Variants in STX8 observed in about 807,000 individuals in gnomAD.
The protein encoded by STX8 is syntaxin-8.
In STX8, 23 loss-of-function variants were observed where a neutral mutation model predicts 37.5. The ratio of observed to expected loss-of-function variants is 0.61; its 90% CI spans 0.44 to 0.87. The LOEUF (loss-of-function observed/expected upper bound fraction) is 0.87. Among genes scored for constraint, STX8 ranks in the 40% least tolerant of loss-of-function variants. STX8 has a pLI of 0.00. For synonymous variants in STX8, 115 were observed against 99.1 expected (o/e 1.16, Z -0.95); for missense variants, 313 against 284.7 (o/e 1.10, Z -0.71).
intron 4 of STX8, among the ~76,000 whole-genome samples, chr17:9,515,712 TG>T (rs1639934846): frequency 6.6e-6 from 1 of 152,072 alleles, no homozygotes; most frequent in South Asian, 2.1e-4. Context: ...TTTGTAGAGA[TG>T]GGGTCTCGCT....
intron 4 of STX8, among the ~76,000 whole-genome samples, chr17:9,530,654 A>G (rs569671977): frequency 1.3e-5 from 2 of 152,322 alleles, no homozygotes; most frequent in Admixed American, 1.3e-4. Context: ...ATGTTTTTCT[A>G]ACAGGTTGCT....
intron 6 of STX8, among the ~76,000 whole-genome samples, chr17:9,429,368 T>G (rs1180113191): frequency 6.9e-6 from 1 of 145,458 alleles, no homozygotes; most frequent in Non-Finnish European, 1.5e-5. Flanking sequence ...ATAATAAATA[T>G]TTATATATAA....
chr17:9,328,691 G>T (rs1909858666), intron 7 of STX8, among the ~76,000 whole-genome samples: 1 of 152,142 alleles, frequency 6.6e-6, no homozygotes, highest in Admixed American at 6.6e-5. Context: ...CAAGGCTAAA[G>T]TTCAGGGAAA....
intron 7 of STX8, among the ~76,000 whole-genome samples, chr17:9,269,052 T>G (rs1037030482): frequency 2.0e-5 from 3 of 152,018 alleles, no homozygotes; most frequent in African/African-American, 7.2e-5. Flanking sequence ...CTGGGCATGG[T>G]GGCGGGCGCC....
At position 9,352,490 on chromosome 17, in the gene STX8, C is replaced by T. The variant is rs990014770; in HGVS notation, c.643+26062G>A. Among the ~76,000 whole-genome samples, 46 of 105,652 alleles carry T rather than the reference C, an allele frequency of 4.4e-4. 1 individual carries two copies. Among genetic ancestry groups the T allele is most frequent in the Admixed American group, 3.1e-3 (26 of 8,436 alleles). 69.3% of individuals were successfully genotyped at this position (105,652 alleles called of 152,430 possible). The stretch of plus-strand genomic sequence containing the variant: ...ACTTTTTTTTTTTTTTTTTTTGAGA[C>T]GGAGTCTTGCTCTGTGGCCCAGGCG... On this transcript the variant is annotated intron_variant, in intron 7 of 7. Transcript: ENST00000306357.
In STX8 at chr17:9,324,107, CTG is replaced by C. The variant is rs1226523954; in HGVS notation, c.643+54443_643+54444del. 6.8e-3 allele frequency among the ~76,000 whole-genome samples: 954 copies of C among 140,426 alleles called. 13 individuals are homozygous for C. The highest frequency in any genetic ancestry group is 0.026 in the African/African-American group (921 of 35,534). The allele number at this position is 140,426 out of a possible 152,430, so 92.1% of individuals were successfully genotyped here. Reference sequence around the variant, plus strand: ...CATCCCTCTCTCTCTCTCTCTCTCTCTGTCTCTCTCTCTCTCTCTCACACACA... The same window carrying C: ...CATCCCTCTCTCTCTCTCTCTCTCTCTCTCTCTCTCTCTCTCTCACACACA... On this transcript the variant is annotated intron_variant, in intron 7 of 7. Coordinates refer to ENST00000306357, the MANE Select transcript of STX8 (RefSeq NM_004853.3).
intron 4 of STX8, among the ~76,000 whole-genome samples, chr17:9,505,382 T>C (rs1904785387): frequency 1.3e-5 from 2 of 152,170 alleles, no homozygotes; most frequent in Admixed American, 1.3e-4. Context: ...CAGCCTGTTA[T>C]AGAGATGATG....
intron 2 of STX8, 144 bp downstream of exon 2, chr17:9,568,227 T>C (rs1375806681): frequency 3.4e-6 from 2 of 581,780 alleles, no homozygotes; most frequent in Non-Finnish European, 6.0e-6. Context: ...TACTAACTGG[T>C]TGGGTGTTAT....
chr17:9,503,533 C>T lies in STX8; in HGVS notation c.448+1505G>A, dbSNP rs77458781. On this transcript the variant is annotated intron_variant, in intron 5 of 7. Transcript: ENST00000306357. ...TTTCTCCTCCTCCTCCTCCCTCTTC[C>T]TTTTTATTCATTAATTTTTTTAAAG... is the stretch of plus-strand genomic sequence containing the variant. 4.9e-3 allele frequency among the ~76,000 whole-genome samples: 739 copies of T among 152,174 alleles called. 3 individuals carry two copies. The highest frequency in any genetic ancestry group is 0.017 in the African/African-American group (693 of 41,516).
At position 9,458,979 on chromosome 17, in the gene STX8, A is replaced by G. The variant is rs1005101476; in HGVS notation, c.541+32850T>C. ...TGAGTAGCTGGGACTACAGGCGCCC[A>G]CCACCACGCCCGGCTAATGCTTTTT... On this transcript the variant is annotated intron_variant, in intron 6 of 7. Coordinates refer to ENST00000306357, the MANE Select transcript of STX8 (RefSeq NM_004853.3). Among the ~76,000 whole-genome samples, 4 of 151,804 alleles carry G rather than the reference A, an allele frequency of 2.6e-5. No homozygotes were observed. In the East Asian group the frequency reaches 5.8e-4, roughly 22 times the overall value.
chr17:9,401,770 T>A (rs1000222602), intron 6 of STX8, among the ~76,000 whole-genome samples: 2 of 152,208 alleles, frequency 1.3e-5, no homozygotes, highest in African/African-American at 4.8e-5. Context: ...CAGATTGAGT[T>A]CCATGACATC....
intron 7 of STX8, among the ~76,000 whole-genome samples, chr17:9,287,456 A>G (rs1256692902): frequency 6.6e-6 from 1 of 152,162 alleles, no homozygotes; most frequent in African/African-American, 2.4e-5. Context: ...AAGGGATATG[A>G]CGAGATGCTG....
intron 2 of STX8, among the ~76,000 whole-genome samples, chr17:9,560,543 A>T (rs1325359614): frequency 6.6e-6 from 1 of 152,174 alleles, no homozygotes; most frequent in African/African-American, 2.4e-5. Flanking sequence ...CAATACCAAC[A>T]AAATCTAAAA....
chr17:9,558,648 C>G (rs1907080155), intron 2 of STX8, among the ~76,000 whole-genome samples: 1 of 152,064 alleles, frequency 6.6e-6, no homozygotes, highest in Non-Finnish European at 1.5e-5. Context: ...ACGGTGAAAC[C>G]CCGTCTCTAC....
chr17:9,386,300 A>C (rs989770969), intron 6 of STX8, among the ~76,000 whole-genome samples: 1 of 152,160 alleles, frequency 6.6e-6, no homozygotes, highest in Non-Finnish European at 1.5e-5. Flanking sequence ...AAATCTCAAA[A>C]AGTTTTGTTG....
chr17:9,327,821 T>A (rs1342725313), intron 7 of STX8, among the ~76,000 whole-genome samples: 1 of 152,116 alleles, frequency 6.6e-6, no homozygotes, highest in African/African-American at 2.4e-5. Context: ...ACTACAGGTG[T>A]GCACCACCAC....
intron 4 of STX8, among the ~76,000 whole-genome samples, chr17:9,542,032 G>C (rs1448704892): frequency 1.3e-5 from 2 of 150,462 alleles, no homozygotes; most frequent in Non-Finnish European, 3.0e-5. Context: ...ATTCTCTCTT[G>C]GGTGATTCTG....
chr17:9,500,305 A>T (rs949903875), intron 5 of STX8, among the ~76,000 whole-genome samples: 1 of 152,214 alleles, frequency 6.6e-6, no homozygotes, highest in African/African-American at 2.4e-5. Context: ...ACGAAACAAC[A>T]GTTTTAAGAC....
intron 4 of STX8, among the ~76,000 whole-genome samples, chr17:9,525,752 A>G (rs1046816338): frequency 6.6e-6 from 1 of 152,208 alleles, no homozygotes; most frequent in South Asian, 2.1e-4. Flanking sequence ...TTTGTGCAAG[A>G]TAGAAAGACA....
Sources: allele counts gnomAD v4.1 joint callset (sites outside exome capture counted in the v4.1 genomes callset), GRCh38; gene constraint gnomAD v4.1.1; transcripts MANE v1.5; gene names NCBI Gene and HGNC (gene_info 2026-07-23, HGNC 2026-07-21).